The following ABL1 variants were observed in gnomAD, a reference collection of about 807,000 sequenced individuals.
ABL1 encodes the protein ABL proto-oncogene 1, non-receptor tyrosine kinase, also known as tyrosine-protein kinase ABL1.
ABL1 carries 11 observed loss-of-function variants against 94.7 expected under a neutral mutation model. That is an observed-to-expected ratio of 0.12 (90% CI 0.07 to 0.19). The LOEUF (loss-of-function observed/expected upper bound fraction) is 0.19, where lower values mean the gene tolerates loss of function less well. Ranked by LOEUF, ABL1 falls within the 10% of genes least tolerant of loss-of-function variation. The pLI, the probability that ABL1 is intolerant of heterozygous loss-of-function variation, is 1.00. For synonymous variants in ABL1, 656 were observed against 622.4 expected (o/e 1.05, Z -0.80); for missense variants, 1,082 against 1,489.4 (o/e 0.73, Z 4.50).
Position 130,809,182 on chromosome 9 carries a change from G to A in ABL1, c.137-44882G>A, listed in dbSNP as rs34771371. 7.8e-3 allele frequency among the ~76,000 whole-genome samples: 1,181 copies of A among 152,204 alleles called. 14 individuals carry two copies. Among genetic ancestry groups the A allele is most frequent in the African/African-American group, 0.027 (1,101 of 41,516 alleles). On this transcript the variant is annotated intron_variant, in intron 1 of 10. Coordinates refer to the ABL1 transcript ENST00000372348. Reference sequence around the variant, plus strand: ...GCCCAGGGAGCCCACTCGAGTATTCGGTTGAGTACTGATCAGTGCACCCAT... The same window carrying A: ...GCCCAGGGAGCCCACTCGAGTATTCAGTTGAGTACTGATCAGTGCACCCAT...
chr9:130,810,462 C>T (rs991067559), intron 1 of ABL1, among the ~76,000 whole-genome samples: 30 of 152,138 alleles, frequency 2.0e-4, no homozygotes, highest in Non-Finnish European at 4.0e-4. Flanking sequence ...TACCACTGCA[C>T]TCCAACCTGG....
At chr9:130,793,216 G>A (rs867935506) in intron 1 of ABL1, among the ~76,000 whole-genome samples, 5 of 152,168 alleles carry the variant, frequency 3.3e-5, no homozygotes, top group East Asian at 3.9e-4. Context: ...ATGAGCCACC[G>A]CGCCTGGCCA....
chr9:130,869,888 G>A (rs1831225213), intron 4 of ABL1, among the ~76,000 whole-genome samples: 4 of 152,116 alleles, frequency 2.6e-5, no homozygotes, highest in African/African-American at 4.8e-5. Context: ...GCAGTGGTGC[G>A]ATCTTGGCTC....
chr9:130,866,457 C>T (rs538470085), intron 4 of ABL1, among the ~76,000 whole-genome samples: 17 of 152,270 alleles, frequency 1.1e-4, no homozygotes, highest in Admixed American at 1.0e-3. Flanking sequence ...CTTGCCCAAG[C>T]GTCCTTCCCT....
chr9:130,776,531 C>T (rs1051003177), intron 1 of ABL1, among the ~76,000 whole-genome samples: 8 of 151,538 alleles, frequency 5.3e-5, no homozygotes, highest in African/African-American at 1.7e-4. Flanking sequence ...GACCAGAGAT[C>T]GTGCTACTGT....
At position 130,767,912 on chromosome 9, in the gene ABL1, G is replaced by C. The variant is rs1452314417; in HGVS notation, c.136+53457G>C. ...CAAGATTTAGACTGGTGGGAATTCT[G>C]CACAACAAATGACTTGGTTTAATTA... On this transcript the variant is annotated intron_variant, in intron 1 of 10. Coordinates refer to the ABL1 transcript ENST00000372348. 3.9e-5 allele frequency among the ~76,000 whole-genome samples: 6 copies of C among 152,306 alleles called. No homozygotes were observed. The East Asian group carries it at 1.2e-3, about 29-fold the overall frequency.
chr9:130,876,181 T>C (rs372817449), intron 7 of ABL1, among the ~76,000 whole-genome samples: 55 of 152,058 alleles, frequency 3.6e-4, no homozygotes, highest in African/African-American at 1.3e-3. Context: ...TGAGTAATTT[T>C]TGGCAGTTAC....
intron 1 of ABL1, among the ~76,000 whole-genome samples, chr9:130,768,211 TTC>T (rs1564284873): frequency 6.6e-6 from 1 of 152,210 alleles, no homozygotes; most frequent in Non-Finnish European, 1.5e-5. Flanking sequence ...CCTCTGCTTT[TTC>T]TGTTTCCTTC....
intron 1 of ABL1, among the ~76,000 whole-genome samples, chr9:130,770,619 T>C (rs1832240500): frequency 6.6e-6 from 1 of 152,280 alleles, no homozygotes; most frequent in Non-Finnish European, 1.5e-5. Context: ...TTTTAATTAC[T>C]TGGCACATAT....
intron 1 of ABL1, among the ~76,000 whole-genome samples, chr9:130,792,098 A>G (rs1423491829): frequency 1.3e-5 from 2 of 152,154 alleles, no homozygotes; most frequent in Non-Finnish European, 2.9e-5. Flanking sequence ...GACAGGATGC[A>G]AGAAAGAAAT....
chr9:130,813,431 C>T (rs2132859820), intron 1 of ABL1, among the ~76,000 whole-genome samples: 1 of 141,566 alleles, frequency 7.1e-6, no homozygotes, highest in Middle Eastern at 4.3e-3. Flanking sequence ...CATGGTGGCG[C>T]TCACCTGTAG....
At chr9:130,719,968 C>CAT (rs923146985) in intron 1 of ABL1, among the ~76,000 whole-genome samples, 1 of 152,184 alleles carries the variant, frequency 6.6e-6, no homozygotes, top group Non-Finnish European at 1.5e-5. Flanking sequence ...TTTCATGCAC[C>CAT]ATATGTTCCT....
At chr9:130,774,544 C>A (rs139513916) in intron 1 of ABL1, among the ~76,000 whole-genome samples, 1 of 152,074 alleles carries the variant, frequency 6.6e-6, no homozygotes, top group Admixed American at 6.6e-5. Context: ...AAGAAACTTG[C>A]CAGGCACGGT....
chr9:130,808,631 A>G (rs1830163536), intron 1 of ABL1, among the ~76,000 whole-genome samples: 1 of 152,158 alleles, frequency 6.6e-6, no homozygotes, highest in Non-Finnish European at 1.5e-5. Context: ...CCTCGCATTC[A>G]TCTTTTACAT....
intron 4 of ABL1, among the ~76,000 whole-genome samples, chr9:130,866,143 G>A (rs1421381151): frequency 6.6e-6 from 1 of 152,142 alleles, no homozygotes; most frequent in Non-Finnish European, 1.5e-5. Flanking sequence ...CATTCACCCT[G>A]TATCAACATT....
In ABL1 at chr9:130,886,218, G is replaced by C. The variant is rs540368205; in HGVS notation, c.*535G>C. 28 of 239,326 alleles carry C rather than the reference G, an allele frequency of 1.2e-4. No individual in the cohort carries two copies. In the South Asian group the frequency reaches 4.6e-3, roughly 39 times the overall value. 14.8% of individuals were successfully genotyped at this position (239,326 alleles called of 1,614,324 possible). A position where few individuals can be genotyped will look rare whatever the true frequency, so the allele number is the denominator to read the frequency against. On this transcript the variant is annotated 3_prime_UTR_variant, in exon 11 of 11. Coordinates refer to ENST00000318560, the MANE Select transcript of ABL1 (RefSeq NM_005157.6). ...ACCGCATTTCGGGAAGGGCATGCAC[G>C]GGCATGCACACGGCTGGTCACTCTG...
At chr9:130,758,120 A>G (rs2791738) in intron 1 of ABL1, among the ~76,000 whole-genome samples, 79,839 of 151,812 alleles carry the variant, frequency 0.53, 22,666 homozygotes, top group African/African-American at 0.74. Context: ...GGTGCTTGAC[A>G]TATATTATCT....
chr9:130,733,793 T>C (rs553017378), intron 1 of ABL1, among the ~76,000 whole-genome samples: 5 of 152,176 alleles, frequency 3.3e-5, no homozygotes, highest in African/African-American at 1.2e-4. Context: ...GGTTTCACCA[T>C]GTTAGCCAGG....
chr9:130,831,956 G>A (rs1363525950), upstream of ABL1, among the ~76,000 whole-genome samples: 3 of 152,028 alleles, frequency 2.0e-5, no homozygotes, highest in African/African-American at 7.2e-5. Flanking sequence ...TCATCTGGGA[G>A]CTTCAGATCC....
Sources: gnomAD v4.1 joint callset for allele counts (sites outside exome capture counted in the v4.1 genomes callset) on GRCh38, gnomAD v4.1.1 for gene constraint, MANE v1.5 for transcripts, NCBI Gene and HGNC (gene_info 2026-07-23, HGNC 2026-07-21) for gene names.